The following CUX2 variants were observed in gnomAD, a reference collection of about 807,000 sequenced individuals.
The protein encoded by CUX2 is homeobox protein cut-like 2.
A neutral mutation model predicts 144.8 loss-of-function variants in CUX2; 40 were observed. The observed-to-expected ratio is 0.28, with a 90% CI of 0.21 to 0.36. The LOEUF (loss-of-function observed/expected upper bound fraction) is 0.36, where lower values mean the gene tolerates loss of function less well. CUX2 is among the 10% of genes least tolerant of loss of function. The probability of loss-of-function intolerance (pLI) is 1.00; values close to 1 mark genes in which losing one functional copy is unlikely to be tolerated. For missense variants in CUX2, 1,615 were observed against 1,994.0 expected, an observed-to-expected ratio of 0.81 and a Z score of 3.62; for synonymous variants, 827 against 875.6, an observed-to-expected ratio of 0.94 and a Z score of 0.98.
At chr12:111,257,628 TTCCTCCTCCCTCTTCCTCCTCCTTCC>T (rs1351787506) in intron 3 of CUX2, among the ~76,000 whole-genome samples, 1 of 105,256 alleles carries the variant, frequency 9.5e-6, no homozygotes, top group Non-Finnish European at 2.0e-5. Context: ...CTCCCTGCTC[TTCCTCCTCCCTCTTCCTCCTCCTTCC>T]TCCTCCTCCC....
intron 1 of CUX2, among the ~76,000 whole-genome samples, chr12:111,136,109 ACGG>A (rs754526011): frequency 5.1e-4 from 78 of 152,034 alleles, no homozygotes; most frequent in Non-Finnish European, 8.1e-4. Context: ...ATTGACTCCG[ACGG>A]CCACATGGGG....
At chr12:111,139,138 G>T (rs973252450) in intron 1 of CUX2, among the ~76,000 whole-genome samples, 1 of 152,010 alleles carries the variant, frequency 6.6e-6, no homozygotes, top group African/African-American at 2.4e-5. Flanking sequence ...GGGACTTCGT[G>T]GGGGGCATGA....
chr12:111,205,026 A>G (rs1180507937), intron 1 of CUX2, among the ~76,000 whole-genome samples: 1 of 152,146 alleles, frequency 6.6e-6, no homozygotes, highest in Non-Finnish European at 1.5e-5. Flanking sequence ...TTGGCCCAAT[A>G]CATCTTGGCA....
intron 1 of CUX2, among the ~76,000 whole-genome samples, chr12:111,211,610 G>A (rs1030308084): frequency 1.3e-5 from 2 of 152,198 alleles, no homozygotes; most frequent in African/African-American, 4.8e-5. Flanking sequence ...ACACGGCCGG[G>A]TGTGGTGGCT....
At position 111,100,641 on chromosome 12, in the gene CUX2, T is replaced by C. The variant is rs1456335380; in HGVS notation, c.63+66401T>C. On this transcript the variant is annotated intron_variant, in intron 1 of 21. Coordinates refer to ENST00000261726, the MANE Select transcript of CUX2 (RefSeq NM_015267.4). ...TGTGTGAATTGTATACATTTGAACA[T>C]GTGAGCTTGCATGGAGGAGGGTGTC... 2.0e-5 allele frequency among the ~76,000 whole-genome samples: 3 copies of C among 152,306 alleles called. No individual in the cohort carries two copies. In the South Asian group the frequency reaches 6.2e-4, roughly 32 times the overall value.
intron 1 of CUX2, among the ~76,000 whole-genome samples, chr12:111,130,128 A>G (rs1875372912): frequency 6.6e-6 from 1 of 152,156 alleles, no homozygotes; most frequent in Non-Finnish European, 1.5e-5. Flanking sequence ...GGGCTGGGAG[A>G]AAAATTAACA....
In CUX2 at chr12:111,268,945, C is replaced by G. The variant is rs185561365; in HGVS notation, c.301+5106C>G. ...ACCCCGTAGTACCTCAGTTGTAACA[C>G]GAGGGGGCAGCGCTGAGATATGCGT... On this transcript the variant is annotated intron_variant, in intron 4 of 21. Transcript: ENST00000261726. Among the ~76,000 whole-genome samples, 9 of 152,252 alleles carry G rather than the reference C, an allele frequency of 5.9e-5. No individual in the cohort carries two copies. The South Asian group carries it at 1.7e-3, about 28-fold the overall frequency.
At chr12:111,163,077 A>G (rs1877888601) in intron 1 of CUX2, among the ~76,000 whole-genome samples, 2 of 151,842 alleles carry the variant, frequency 1.3e-5, no homozygotes, top group South Asian at 4.1e-4. Context: ...TTTGGGGTCA[A>G]GCTGCTGAAT....
chr12:111,086,076 T>G (rs1431346911), intron 1 of CUX2, among the ~76,000 whole-genome samples: 11 of 152,182 alleles, frequency 7.2e-5, no homozygotes. Context: ...CTAGTTAACT[T>G]TGAAGCAACA....
intron 1 of CUX2, among the ~76,000 whole-genome samples, chr12:111,058,698 A>C (rs1870638262): frequency 6.6e-6 from 1 of 152,206 alleles, no homozygotes; most frequent in Non-Finnish European, 1.5e-5. Flanking sequence ...GTGGTGTTAC[A>C]GGAAGGGGGT....
chr12:111,330,713 A>G (rs1315099154), intron 18 of CUX2, among the ~76,000 whole-genome samples: 1 of 37,060 alleles, frequency 2.7e-5, no homozygotes, highest in Non-Finnish European at 5.9e-5. Flanking sequence ...ATATATATAT[A>G]TATATATATA....
At chr12:111,264,130 C>T (rs1386439935) in intron 4 of CUX2, among the ~76,000 whole-genome samples, 2 of 152,176 alleles carry the variant, frequency 1.3e-5, no homozygotes, top group Non-Finnish European at 2.9e-5. Flanking sequence ...ATCTTACCCA[C>T]TAGAGCCCCC....
At chr12:111,114,053 A>G (rs774479793) in intron 1 of CUX2, among the ~76,000 whole-genome samples, 14 of 152,262 alleles carry the variant, frequency 9.2e-5, no homozygotes, top group Non-Finnish European at 1.8e-4. Context: ...AAACATTTGC[A>G]TATAGGTTCT....
At chr12:111,346,266 AG>A (rs1434632240) in intron 21 of CUX2, among the ~76,000 whole-genome samples, 8 of 152,044 alleles carry the variant, frequency 5.3e-5, no homozygotes, top group Admixed American at 5.2e-4. Flanking sequence ...GCTTGAGGTC[AG>A]GAGTTCAAAA....
chr12:111,286,913 C>A (rs1284554763), intron 4 of CUX2, among the ~76,000 whole-genome samples: 3 of 152,086 alleles, frequency 2.0e-5, no homozygotes, highest in Non-Finnish European at 4.4e-5. Flanking sequence ...AGGAAGTTTC[C>A]AGGTTATAAG....
chr12:111,348,354 C>G lies in CUX2; in HGVS notation c.*29C>G. On this transcript the variant is annotated 3_prime_UTR_variant, in exon 22 of 22. Coordinates refer to ENST00000261726, the MANE Select transcript of CUX2 (RefSeq NM_015267.4). ...CAGGGTGAGGGGGCAAGGGACATAC[C>G]CTGGTAACTACCTTCCTTCTCGCAC... The G allele has an allele frequency of 6.3e-7, 1 of 1,576,202 alleles. No individual in the cohort carries two copies. The highest frequency in any genetic ancestry group is 8.7e-7 in the Non-Finnish European group (1 of 1,155,826).
rs1888067552 is a variant in CUX2 at position 111,330,716 on chromosome 12, T to TATATATATATACATATAC, written c.2927-3714_2927-3713insCATATACATATATATATA. Among the ~76,000 whole-genome samples the TATATATATATACATATAC allele has an allele frequency of 9.7e-4, 36 of 36,962 alleles. 1 individual carries two copies. Among genetic ancestry groups the TATATATATATACATATAC allele is most frequent in the African/African-American group, 1.4e-3 (10 of 7,010 alleles). The allele number at this position is 36,962 out of a possible 152,430, so 24.2% of individuals were successfully genotyped here. A position where few individuals can be genotyped will look rare whatever the true frequency, so the allele number is the denominator to read the frequency against. ...ATATATATATATATATATATATATA[T>TATATATATATACATATAC]ATATATATATATATATATATATATA... On this transcript the variant is annotated intron_variant, in intron 18 of 21. Coordinates refer to ENST00000261726, the MANE Select transcript of CUX2 (RefSeq NM_015267.4).
At chr12:111,205,170 T>C (rs1158867203) in intron 1 of CUX2, among the ~76,000 whole-genome samples, 1 of 152,084 alleles carries the variant, frequency 6.6e-6, no homozygotes, top group Non-Finnish European at 1.5e-5. Flanking sequence ...TCCTCACTTA[T>C]GGCAGGCCGG....
At chr12:111,285,726 C>T (rs1885347387) in intron 4 of CUX2, among the ~76,000 whole-genome samples, 2 of 152,258 alleles carry the variant, frequency 1.3e-5, no homozygotes, top group Admixed American at 6.5e-5. Context: ...CGGGATCCAG[C>T]AGTGCCTGCC....
Sources: gnomAD v4.1 joint callset for allele counts (sites outside exome capture counted in the v4.1 genomes callset) on GRCh38, gnomAD v4.1.1 for gene constraint, MANE v1.5 for transcripts, NCBI Gene and HGNC (gene_info 2026-07-23, HGNC 2026-07-21) for gene names.